The following GSK3B variants were observed in gnomAD, a reference collection of about 807,000 sequenced individuals.
GSK3B encodes glycogen synthase kinase 3 beta.
In GSK3B, 15 loss-of-function variants were observed where a neutral mutation model predicts 56.4. That is an observed-to-expected ratio of 0.27 (90% confidence interval 0.18 to 0.41). The LOEUF is 0.41. Among genes scored for constraint, GSK3B ranks in the 10% least tolerant of loss-of-function variants. The pLI, the probability that GSK3B is intolerant of heterozygous loss-of-function variation, is 1.00. For synonymous variants in GSK3B, 181 were observed against 188.9 expected, an observed-to-expected ratio of 0.96 and a Z score of 0.34; for missense variants, 300 against 513.4, an observed-to-expected ratio of 0.58 and a Z score of 4.02.
intron 2 of GSK3B, among the ~76,000 whole-genome samples, chr3:120,001,011 G>A (rs1248135977): frequency 7.1e-6 from 1 of 140,328 alleles, no homozygotes; most frequent in East Asian, 2.1e-4. Flanking sequence ...TACAAGCTCT[G>A]CCTCCCGGGT....
At chr3:120,042,844 A>C (rs1476202673) in intron 1 of GSK3B, among the ~76,000 whole-genome samples, 2 of 152,228 alleles carry the variant, frequency 1.3e-5, no homozygotes, top group South Asian at 2.1e-4. Context: ...ATTAGTTATA[A>C]AGACTCAGTT....
At chr3:119,827,869 CAA>C (rs35889690) in intron 10 of GSK3B, among the ~76,000 whole-genome samples, 2 of 141,710 alleles carry the variant, frequency 1.4e-5, no homozygotes, top group Non-Finnish European at 1.6e-5. Flanking sequence ...TTAATGGGTA[CAA>C]AAAAAAAAAT....
intron 3 of GSK3B, among the ~76,000 whole-genome samples, chr3:119,946,369 T>G (rs1235628082): frequency 1.3e-5 from 2 of 152,106 alleles, no homozygotes; most frequent in African/African-American, 2.4e-5. Flanking sequence ...GGCTAAAAAC[T>G]GTTATACTAA....
At chr3:119,961,737 TA>T (rs1189037071) in intron 2 of GSK3B, among the ~76,000 whole-genome samples, 1 of 149,398 alleles carries the variant, frequency 6.7e-6, no homozygotes, top group East Asian at 2.0e-4. Context: ...CTCAACAAAA[TA>T]AAAGTTATAA....
In GSK3B at chr3:119,846,278, C is replaced by T. The variant is rs769725356; in HGVS notation, c.1097-2925G>A. On this transcript the variant is annotated intron_variant, in intron 9 of 10. Transcript: ENST00000264235. ...ACTAAAACACCAAAAGCAATGGCAA[C>T]AAAAGCCAAAATTGACAAATGGTCA... Among the ~76,000 whole-genome samples, 9 of 152,222 alleles carry T rather than the reference C, an allele frequency of 5.9e-5. 1 individual carries two copies. In the Middle Eastern group the frequency reaches 0.01, roughly 173 times the overall value.
At chr3:119,940,462 T>TATAC (rs769322433) in intron 3 of GSK3B, among the ~76,000 whole-genome samples, 4 of 152,068 alleles carry the variant, frequency 2.6e-5, no homozygotes, top group Admixed American at 2.0e-4. Flanking sequence ...AATGAGTACA[T>TATAC]ATACATACAT....
chr3:119,832,002 T>A (rs1442674908), intron 10 of GSK3B, among the ~76,000 whole-genome samples: 1 of 152,236 alleles, frequency 6.6e-6, no homozygotes, highest in East Asian at 1.9e-4. Flanking sequence ...GATTCATGCC[T>A]CTTGGTATCC....
At chr3:119,878,378 T>C (rs1003377887) in intron 7 of GSK3B, among the ~76,000 whole-genome samples, 2 of 152,072 alleles carry the variant, frequency 1.3e-5, no homozygotes, top group African/African-American at 2.4e-5. Context: ...CTTGGCATCA[T>C]TAATCATTAG....
intron 1 of GSK3B, among the ~76,000 whole-genome samples, chr3:120,065,632 A>C (rs2058271729): frequency 6.6e-6 from 1 of 152,210 alleles, no homozygotes; most frequent in African/African-American, 2.4e-5. Context: ...AAGAAATGAC[A>C]GGTGTTCAAA....
Position 119,826,328 on chromosome 3 carries a change from CCCAA to C in GSK3B, c.*456_*459del. The C allele has an allele frequency of 3.1e-6, 1 of 323,076 alleles. No individual in the cohort carries two copies. Among genetic ancestry groups the C allele is most frequent in the East Asian group, 5.2e-5 (1 of 19,348 alleles). 20.0% of individuals were successfully genotyped at this position (323,076 alleles called of 1,614,324 possible). On this transcript the variant is annotated 3_prime_UTR_variant, in exon 11 of 11. Transcript: ENST00000264235. ...CCCGTTGAGTTATACCTGCTAAGCT[CCCAA>C]CCAATTTCAAGCTGTGCACTATACC... is the stretch of plus-strand genomic sequence containing the variant.
rs188014273 is a variant in GSK3B at position 119,960,964 on chromosome 3, T to C, written c.283-13613A>G. Among the ~76,000 whole-genome samples the C allele has an allele frequency of 5.1e-4, 77 of 152,244 alleles. No individual in the cohort carries two copies. In the Middle Eastern group the frequency reaches 0.01, roughly 20 times the overall value. ...CGAACATGTATTTACACTGATGATA[T>C]AAAATAACACCCCTACTGACAAAAA... On this transcript the variant is annotated intron_variant, in intron 2 of 10. Transcript: ENST00000264235.
chr3:119,933,319 T>C (rs1292632344), intron 3 of GSK3B, among the ~76,000 whole-genome samples: 1 of 152,114 alleles, frequency 6.6e-6, no homozygotes, highest in Non-Finnish European at 1.5e-5. Context: ...CTTGTGAAAG[T>C]CCAAACTCAT....
chr3:119,905,066 TA>T (rs1225169279), intron 7 of GSK3B, among the ~76,000 whole-genome samples: 25 of 151,778 alleles, frequency 1.6e-4, no homozygotes, highest in Admixed American at 7.2e-4. Flanking sequence ...CTACTGTTCT[TA>T]AAAGAAAACA....
chr3:119,854,303 C>T (rs1296042640), intron 9 of GSK3B, among the ~76,000 whole-genome samples: 2 of 152,182 alleles, frequency 1.3e-5, no homozygotes, highest in Admixed American at 6.5e-5. Flanking sequence ...TTTTGATGTG[C>T]TACTGGATTC....
intron 10 of GSK3B, among the ~76,000 whole-genome samples, chr3:119,830,801 C>T (rs1282776044): frequency 6.6e-6 from 1 of 152,244 alleles, no homozygotes; most frequent in Non-Finnish European, 1.5e-5. Context: ...GTTATTTAAT[C>T]TATCTCTCAT....
intron 10 of GSK3B, among the ~76,000 whole-genome samples, chr3:119,827,608 A>AAAAAAAT (rs1553721502): frequency 3.2e-5 from 3 of 94,628 alleles, no homozygotes; most frequent in Non-Finnish European, 4.2e-5. Flanking sequence ...AAAAAAAAAA[A>AAAAAAAT]AGAGAGAGAG....
chr3:120,083,061 C>T (rs570576566), intron 1 of GSK3B, among the ~76,000 whole-genome samples: 4 of 151,696 alleles, frequency 2.6e-5, no homozygotes, highest in Non-Finnish European at 5.9e-5. Flanking sequence ...CTTCCAACAT[C>T]TATTTCTCAG....
intron 3 of GSK3B, among the ~76,000 whole-genome samples, chr3:119,932,831 T>G (rs1255339771): frequency 6.6e-6 from 1 of 152,116 alleles, no homozygotes; most frequent in Admixed American, 6.6e-5. Flanking sequence ...AAATATAGGC[T>G]GGGTACGGTG....
chr3:120,073,525 T>C (rs970984736), intron 1 of GSK3B, among the ~76,000 whole-genome samples: 3 of 152,238 alleles, frequency 2.0e-5, no homozygotes, highest in African/African-American at 7.2e-5. Context: ...GTATTTGCTC[T>C]TAAAATTTTT....
Sources: allele counts gnomAD v4.1 joint callset (sites outside exome capture counted in the v4.1 genomes callset), GRCh38; gene constraint gnomAD v4.1.1; transcripts MANE v1.5; gene names NCBI Gene and HGNC (gene_info 2026-07-23, HGNC 2026-07-21).